Variants in XYLT1 observed in about 807,000 individuals in gnomAD.
XYLT1 encodes beta-D-xylosyltransferase 1.
XYLT1 carries 36 observed loss-of-function variants against 91.3 expected under a neutral mutation model. The ratio of observed to expected loss-of-function variants is 0.39; its 90% CI spans 0.30 to 0.52. The LOEUF (loss-of-function observed/expected upper bound fraction) is 0.52, where lower values mean the gene tolerates loss of function less well. XYLT1 is among the 20% of genes least tolerant of loss of function. The pLI is 0.68. For missense variants in XYLT1, 1,242 were observed against 1,284.5 expected (o/e 0.97, Z 0.51); for synonymous variants, 588 against 532.0 (o/e 1.11, Z -1.45).
chr16:17,216,370 A>G (rs927529331), intron 3 of XYLT1, among the ~76,000 whole-genome samples: 1 of 152,236 alleles, frequency 6.6e-6, no homozygotes, highest in East Asian at 1.9e-4. Context: ...AACACTCTAA[A>G]GTTAACAGTA....
chr16:17,340,521 C>T (rs560995387), intron 2 of XYLT1, among the ~76,000 whole-genome samples: 36 of 152,278 alleles, frequency 2.4e-4, no homozygotes, highest in African/African-American at 8.4e-4. Context: ...AAAGAACAAT[C>T]GCCACCATTA....
At chr16:17,314,875 C>T (rs1165840716) in intron 2 of XYLT1, among the ~76,000 whole-genome samples, 1 of 152,130 alleles carries the variant, frequency 6.6e-6, no homozygotes, top group East Asian at 1.9e-4. Context: ...AAGTTCAGTC[C>T]TGGTACGAGT....
intron 1 of XYLT1, among the ~76,000 whole-genome samples, chr16:17,464,097 G>A (rs936417143): frequency 1.3e-5 from 2 of 151,078 alleles, no homozygotes; most frequent in Middle Eastern, 6.8e-3. Context: ...GATGTTGATT[G>A]GAAGGATAAA....
intron 5 of XYLT1, among the ~76,000 whole-genome samples, chr16:17,181,379 A>G (rs1473273736): frequency 6.6e-6 from 1 of 152,230 alleles, no homozygotes; most frequent in Non-Finnish European, 1.5e-5. Flanking sequence ...GAAGGAGAGA[A>G]TAAGGAAAGT....
At chr16:17,132,525 A>C (rs920506356) in intron 9 of XYLT1, among the ~76,000 whole-genome samples, 5 of 53,464 alleles carry the variant, frequency 9.4e-5, no homozygotes, top group African/African-American at 2.0e-4. Flanking sequence ...CTGAACCCTG[A>C]GCAGTTAGTA....
intron 2 of XYLT1, among the ~76,000 whole-genome samples, chr16:17,353,243 T>A (rs1387375487): frequency 1.3e-5 from 2 of 152,152 alleles, no homozygotes; most frequent in African/African-American, 2.4e-5. Flanking sequence ...ATACCCAGAT[T>A]GACAAATCTT....
intron 3 of XYLT1, among the ~76,000 whole-genome samples, chr16:17,254,996 CT>C (rs34553607): frequency 0.37 from 41,536 of 112,542 alleles, 5,006 homozygotes; most frequent in African/African-American, 0.45. Flanking sequence ...TTTTCTTTTT[CT>C]TTTTTTTTTT....
intron 1 of XYLT1, among the ~76,000 whole-genome samples, chr16:17,400,854 C>G (rs1222475569): frequency 6.6e-6 from 1 of 151,924 alleles, no homozygotes; most frequent in African/African-American, 2.4e-5. Context: ...CGGGAATCAA[C>G]CCTATATTGG....
At chr16:17,292,445 A>G (rs967585086) in intron 2 of XYLT1, among the ~76,000 whole-genome samples, 1 of 152,194 alleles carries the variant, frequency 6.6e-6, no homozygotes, top group Non-Finnish European at 1.5e-5. Flanking sequence ...TGTTTCTCAC[A>G]TATCAGTTCC....
intron 2 of XYLT1, among the ~76,000 whole-genome samples, chr16:17,322,858 C>A (rs2034745287): frequency 6.6e-6 from 1 of 152,208 alleles, no homozygotes; most frequent in Non-Finnish European, 1.5e-5. Flanking sequence ...CAGACAGGAA[C>A]TGTCTCTGCC....
chr16:17,182,779 G>C (rs1295944762), intron 5 of XYLT1, among the ~76,000 whole-genome samples: 1 of 151,872 alleles, frequency 6.6e-6, no homozygotes, highest in African/African-American at 2.4e-5. Context: ...AATTCCACTG[G>C]GCACCACCAG....
chr16:17,463,511 G>A (rs373323917), intron 1 of XYLT1, among the ~76,000 whole-genome samples: 5 of 152,230 alleles, frequency 3.3e-5, no homozygotes, highest in African/African-American at 9.6e-5. Flanking sequence ...TGAGTCAAAA[G>A]CACAGTGAGA....
chr16:17,347,837 C>CT, intron 2 of XYLT1, among the ~76,000 whole-genome samples: 1 of 152,312 alleles, frequency 6.6e-6, no homozygotes, highest in East Asian at 1.9e-4. Flanking sequence ...AAGGGAGGTG[C>CT]TATGCACCAG....
chr16:17,114,176 C>A (rs1308566984), intron 11 of XYLT1, among the ~76,000 whole-genome samples: 2 of 152,264 alleles, frequency 1.3e-5, no homozygotes, highest in Non-Finnish European at 2.9e-5. Context: ...CTTCATTTGG[C>A]TGTTTATCTG....
At chr16:17,135,136 T>C (rs1230668960) in intron 8 of XYLT1, among the ~76,000 whole-genome samples, 3 of 151,554 alleles carry the variant, frequency 2.0e-5, no homozygotes, top group East Asian at 1.9e-4. Flanking sequence ...ATTTAAAACA[T>C]GAAAGAGTTC....
intron 2 of XYLT1, among the ~76,000 whole-genome samples, chr16:17,291,933 T>A (rs1455153468): frequency 6.6e-6 from 1 of 151,902 alleles, no homozygotes; most frequent in Admixed American, 6.6e-5. Flanking sequence ...ACACCTGTAA[T>A]CCTAGCACTT....
At chr16:17,170,962 A>G (rs2031807745) in intron 5 of XYLT1, among the ~76,000 whole-genome samples, 1 of 152,162 alleles carries the variant, frequency 6.6e-6, no homozygotes, top group African/African-American at 2.4e-5. Context: ...CATTTTTAAA[A>G]TTGAGGATAA....
intron 5 of XYLT1, among the ~76,000 whole-genome samples, chr16:17,181,223 A>G (rs900930674): frequency 1.3e-5 from 2 of 152,180 alleles, no homozygotes; most frequent in Non-Finnish European, 2.9e-5. Context: ...TGGGGGCCCA[A>G]CTACAGGCAA....
chr16:17,420,133 C>T (rs1472362950), intron 1 of XYLT1, among the ~76,000 whole-genome samples: 1 of 152,106 alleles, frequency 6.6e-6, no homozygotes, highest in African/African-American at 2.4e-5. Context: ...CCCACGTTAT[C>T]CAAAACTAGC....
Sources: allele counts gnomAD v4.1 joint callset (sites outside exome capture counted in the v4.1 genomes callset), GRCh38; gene constraint gnomAD v4.1.1; transcripts MANE v1.5; gene names NCBI Gene and HGNC (gene_info 2026-07-23, HGNC 2026-07-21).